The following CD36 variants were observed in gnomAD, a reference collection of about 807,000 sequenced individuals.
CD36 encodes the protein platelet glycoprotein 4.
In CD36, 119 loss-of-function variants were observed where a neutral mutation model predicts 55.2. That is an observed-to-expected ratio of 2.15 (90% CI 1.86 to 2.51). The LOEUF is 2.51. CD36 is among the 30% of genes most tolerant of loss of function. The pLI, the probability that CD36 is intolerant of heterozygous loss-of-function variation, is 0.00. For missense variants in CD36, 819 were observed against 555.5 expected (o/e 1.47, Z -4.77); for synonymous variants, 186 against 193.6 (o/e 0.96, Z 0.33).
chr7:80,666,545 T>G, intron 8 of CD36, 56 bp downstream of exon 8: 1 of 1,287,070 alleles, frequency 7.8e-7, no homozygotes, highest in South Asian at 1.2e-5. Flanking sequence ...TTCCCACAAA[T>G]CCACCGTTGT....
At chr7:80,669,861 C>A in intron 8 of CD36, 92 bp from the exon 9 acceptor site, 1 of 874,482 alleles carries the variant, frequency 1.1e-6, no homozygotes, top group Non-Finnish European at 2.0e-6. Flanking sequence ...GTTTGCATTA[C>A]ATTTCTATGG....
intron 1 of CD36, among the ~76,000 whole-genome samples, chr7:80,618,040 T>C (rs1793262117): frequency 6.6e-6 from 1 of 152,182 alleles, no homozygotes; most frequent in South Asian, 2.1e-4. Context: ...AGAAATTTTA[T>C]AAATTTCATA....
At chr7:80,667,742 C>CTTTTTTTTTTTTT (rs1554344704) in intron 8 of CD36, among the ~76,000 whole-genome samples, 2 of 92,940 alleles carry the variant, frequency 2.2e-5, no homozygotes, top group Non-Finnish European at 2.3e-5. Context: ...CAGGGGTTTT[C>CTTTTTTTTTTTTT]TTTTGTTTTT....
At chr7:80,632,945 C>G (rs1201001876) in intron 1 of CD36, among the ~76,000 whole-genome samples, 1 of 151,792 alleles carries the variant, frequency 6.6e-6, no homozygotes, top group Non-Finnish European at 1.5e-5. Context: ...CTATTTTTTT[C>G]TCAACGTTTA....
chr7:80,643,384 GAA>G (rs1794945165), intron 1 of CD36, among the ~76,000 whole-genome samples: 1 of 152,134 alleles, frequency 6.6e-6, no homozygotes, highest in Non-Finnish European at 1.5e-5. Context: ...AATTTTTAGT[GAA>G]GTTTATGTGG....
intron 13 of CD36, 200 bp downstream of exon 13, chr7:80,673,609 A>ATGCATCTATTAAACACATTTTCTTGT: frequency 1.7e-6 from 1 of 572,946 alleles, no homozygotes; most frequent in South Asian, 2.3e-5. Flanking sequence ...TTCTTCAAAA[A>ATGCATCTATTAAACACATTTTCTTGT]TGCATCTATT....
intron 3 of CD36, among the ~76,000 whole-genome samples, chr7:80,649,555 G>C (rs558738602): frequency 6.6e-6 from 1 of 151,892 alleles, no homozygotes; most frequent in Admixed American, 6.6e-5. Context: ...TTAAATTAGA[G>C]GAGTAAAAGC....
intron 6 of CD36, 138 bp downstream of exon 6, chr7:80,663,307 G>A (rs1286686179): frequency 2.7e-6 from 2 of 736,262 alleles, no homozygotes; most frequent in African/African-American, 3.5e-5. Context: ...TTTTTAAAAA[G>A]TCCACTTCTC....
chr7:80,666,239 G>T (rs2116760903), intron 7 of CD36: 2 of 491,020 alleles, frequency 4.1e-6, no homozygotes, highest in Non-Finnish European at 7.2e-6. Flanking sequence ...TTTATGATCT[G>T]GCTACCTAAT....
At chr7:80,646,320 G>GTCGCCGT in intron 2 of CD36, 139 bp downstream of exon 2, 1 of 239,942 alleles carries the variant, frequency 4.2e-6, no homozygotes, top group Non-Finnish European at 8.3e-6. Flanking sequence ...AGATAGTGAG[G>GTCGCCGT]ATGCAACTAA....
At position 80,605,451 on chromosome 7, in the gene CD36, C is replaced by A. The variant is rs937507878; in HGVS notation, c.-184+3072C>A. ...TTTATGGACACTTTTCCCCATGACC[C>A]CACAACAACAGCTCCCTTAAAGTGT... On this transcript the variant is annotated intron_variant, in intron 1 of 13. Transcript: ENST00000309881. 9.2e-5 allele frequency among the ~76,000 whole-genome samples: 14 copies of A among 152,030 alleles called. No individual in the cohort carries two copies. The South Asian group carries it at 1.2e-3, about 14-fold the overall frequency.
intron 14 of CD36, chr7:80,675,982 C>T (rs1339482859): frequency 1.3e-5 from 2 of 150,222 alleles, no homozygotes; most frequent in East Asian, 2.0e-4. Flanking sequence ...TTCTTATGTG[C>T]CTTTCTGGAA....
chr7:80,615,277 T>G lies in CD36; in HGVS notation c.-184+12898T>G, dbSNP rs538725167. Among the ~76,000 whole-genome samples, 4 of 152,316 alleles carry G rather than the reference T, an allele frequency of 2.6e-5. No individual in the cohort carries two copies. The South Asian group carries it at 8.3e-4, about 32-fold the overall frequency. The stretch of plus-strand genomic sequence containing the variant: ...AAAGTACAAACTCGTATCCTGTCAC[T>G]CCTCCAACTTATAATTATTTAATTG... On this transcript the variant is annotated intron_variant, in intron 1 of 13. Coordinates refer to the CD36 transcript ENST00000309881.
chr7:80,639,880 A>T (rs1049470264), intron 1 of CD36: 26 of 152,038 alleles, frequency 1.7e-4, no homozygotes, highest in African/African-American at 6.3e-4. Flanking sequence ...CCAAACAGAG[A>T]ACCATCAGAT....
chr7:80,604,390 T>TTTTTTTTTTTTTA (rs144014175), intron 1 of CD36, among the ~76,000 whole-genome samples: 2 of 109,642 alleles, frequency 1.8e-5, no homozygotes, highest in South Asian at 5.7e-4. Flanking sequence ...TTTTTTTTTT[T>TTTTTTTTTTTTTA]AGCAAAGTAT....
intron 1 of CD36, among the ~76,000 whole-genome samples, chr7:80,620,057 A>T (rs375670714): frequency 6.6e-6 from 1 of 152,156 alleles, no homozygotes; most frequent in South Asian, 2.1e-4. Flanking sequence ...CCTGGTGAAG[A>T]TGCTATGAAC....
rs1331244853 is a variant in CD36, at chr7:80,677,728, T to TTTAATCATTGAGGCATGTAGG, written c.*1346_*1366dup. The TTTAATCATTGAGGCATGTAGG allele has an allele frequency of 6.6e-6, 1 of 152,204 alleles. No homozygotes were observed. The highest frequency in any genetic ancestry group is 1.5e-5 in the Non-Finnish European group (1 of 68,044). 9.4% of individuals were successfully genotyped at this position (152,204 alleles called of 1,614,324 possible). A position where few individuals can be genotyped will look rare whatever the true frequency, so the allele number is the denominator to read the frequency against. On this transcript the variant is annotated 3_prime_UTR_variant, in exon 15 of 15. Coordinates refer to ENST00000447544, the MANE Select transcript of CD36 (RefSeq NM_001001548.3). Reference sequence around the variant, plus strand: ...GTCCATCTAATATAAAGGAAAGTTTTTTAATCATTGAGGCATGTAGGGCTG... The same window carrying TTTAATCATTGAGGCATGTAGG: ...GTCCATCTAATATAAAGGAAAGTTTTTTAATCATTGAGGCATGTAGGTTAATCATTGAGGCATGTAGGGCTG...
intron 11 of CD36, 71 bp downstream of exon 11, chr7:80,672,111 G>A (rs1489079396): frequency 2.5e-6 from 3 of 1,200,326 alleles, no homozygotes; most frequent in Non-Finnish European, 2.4e-6. Context: ...AAATAATCTT[G>A]TCGATGATTA....
intron 1 of CD36, among the ~76,000 whole-genome samples, chr7:80,610,201 G>A (rs1792799849): frequency 6.6e-6 from 1 of 152,094 alleles, no homozygotes; most frequent in Admixed American, 6.5e-5. Flanking sequence ...TATTCACAAT[G>A]CCTTTTTAAA....
Sources: allele counts gnomAD v4.1 joint callset (sites outside exome capture counted in the v4.1 genomes callset), GRCh38; gene constraint gnomAD v4.1.1; transcripts MANE v1.5; gene names NCBI Gene and HGNC (gene_info 2026-07-23, HGNC 2026-07-21).